The following ATXN1 variants were observed in gnomAD, a reference collection of about 807,000 sequenced individuals.
The protein encoded by ATXN1 is ataxin 1, also known as ataxin-1.
ATXN1 carries 8 observed loss-of-function variants against 56.4 expected under a neutral mutation model. That is an observed-to-expected ratio of 0.14 (90% CI 0.08 to 0.26). The LOEUF is 0.26. Among genes scored for constraint, ATXN1 ranks in the 10% least tolerant of loss-of-function variants. The probability of loss-of-function intolerance (pLI) is 1.00; values close to 1 mark genes in which losing one functional copy is unlikely to be tolerated. For missense variants in ATXN1, 987 were observed against 1,106.5 expected (o/e 0.89, Z 1.53); for synonymous variants, 514 against 494.6 (o/e 1.04, Z -0.52).
chr6:16,567,129 G>A (rs767136412), intron 4 of ATXN1, among the ~76,000 whole-genome samples: 18 of 152,128 alleles, frequency 1.2e-4, no homozygotes, highest in Non-Finnish European at 1.6e-4. Flanking sequence ...CCCTTTCAAA[G>A]GTACTTGTCA....
chr6:16,747,033 C>A (rs1760557832), intron 2 of ATXN1, among the ~76,000 whole-genome samples: 1 of 152,028 alleles, frequency 6.6e-6, no homozygotes, highest in Non-Finnish European at 1.5e-5. Flanking sequence ...AACTACCAGT[C>A]CAACAGCACA....
At chr6:16,483,673 G>A (rs1246695061) in intron 6 of ATXN1, among the ~76,000 whole-genome samples, 1 of 152,228 alleles carries the variant, frequency 6.6e-6, no homozygotes, top group Admixed American at 6.5e-5. Context: ...AGTCTGCCAT[G>A]TGGCATCTTA....
intron 6 of ATXN1, among the ~76,000 whole-genome samples, chr6:16,338,251 T>C (rs2113434767): frequency 6.6e-6 from 1 of 152,082 alleles, no homozygotes; most frequent in South Asian, 2.1e-4. Flanking sequence ...CCCAGCACTT[T>C]AGGAGGCTGA....
At chr6:16,339,928 G>A (rs1425478769) in intron 6 of ATXN1, among the ~76,000 whole-genome samples, 10 of 152,170 alleles carry the variant, frequency 6.6e-5, no homozygotes, top group Admixed American at 2.0e-4. Flanking sequence ...GACTACAGGC[G>A]CATGCCACCA....
chr6:16,591,344 A>G (rs1762719247), intron 3 of ATXN1, among the ~76,000 whole-genome samples: 2 of 152,220 alleles, frequency 1.3e-5, no homozygotes, highest in South Asian at 4.1e-4. Flanking sequence ...TGACCAGTTT[A>G]CCCTAAGTAT....
At chr6:16,420,116 C>G (rs541296277) in intron 6 of ATXN1, among the ~76,000 whole-genome samples, 1 of 152,158 alleles carries the variant, frequency 6.6e-6, no homozygotes, top group Non-Finnish European at 1.5e-5. Flanking sequence ...GAAAGTCACA[C>G]GTTAATGCAA....
intron 2 of ATXN1, among the ~76,000 whole-genome samples, chr6:16,710,081 T>A (rs1581384606): frequency 6.6e-6 from 1 of 151,980 alleles, no homozygotes; most frequent in African/African-American, 2.4e-5. Flanking sequence ...AAAAGGCAAA[T>A]GAAAAACCTA....
intron 1 of ATXN1, among the ~76,000 whole-genome samples, chr6:16,755,387 CAAT>C (rs1417751097): frequency 6.6e-6 from 1 of 152,050 alleles, no homozygotes; most frequent in Non-Finnish European, 1.5e-5. Context: ...ACATTTTATA[CAAT>C]AATATACACC....
chr6:16,526,535 CG>C (rs893655177), intron 4 of ATXN1, among the ~76,000 whole-genome samples: 119 of 152,146 alleles, frequency 7.8e-4, no homozygotes, highest in African/African-American at 2.7e-3. Context: ...GAGGCCAAGG[CG>C]GGTGGATTAC....
At chr6:16,672,074 G>T (rs1758551606) in intron 2 of ATXN1, among the ~76,000 whole-genome samples, 1 of 152,088 alleles carries the variant, frequency 6.6e-6, no homozygotes, top group Admixed American at 6.5e-5. Context: ...CCCCACCCCT[G>T]ACCTATTTAA....
intron 2 of ATXN1, among the ~76,000 whole-genome samples, chr6:16,727,749 A>G (rs1445310666): frequency 1.3e-5 from 2 of 152,218 alleles, no homozygotes; most frequent in Admixed American, 1.3e-4. Flanking sequence ...ACATATTACT[A>G]ATATAAATAT....
In ATXN1 at chr6:16,704,354, T is replaced by C. The variant is rs148045068; in HGVS notation, c.-614-46453A>G. Among the ~76,000 whole-genome samples the C allele has an allele frequency of 1.8e-3, 279 of 152,206 alleles. 1 individual carries two copies. The highest frequency in any genetic ancestry group is 6.3e-3 in the African/African-American group (263 of 41,514). On this transcript the variant is annotated intron_variant, in intron 2 of 7. Coordinates refer to ENST00000436367, the MANE Select transcript of ATXN1 (RefSeq NM_001128164.2). ...CTTTCCCCCCAAGATTGACTGTCGG[T>C]CTACAGAATCAGTTAAGTGCTACAA...
chr6:16,587,277 C>T (rs1212541668), intron 3 of ATXN1, among the ~76,000 whole-genome samples: 6 of 152,090 alleles, frequency 3.9e-5, no homozygotes, highest in Non-Finnish European at 2.9e-5. Flanking sequence ...GCCTAAGCGG[C>T]TAAATTTCAT....
At chr6:16,441,858 G>C (rs182787535) in intron 6 of ATXN1, among the ~76,000 whole-genome samples, 2 of 152,184 alleles carry the variant, frequency 1.3e-5, no homozygotes, top group East Asian at 3.9e-4. Flanking sequence ...TAGAATTCAA[G>C]AGAAAGACTC....
intron 4 of ATXN1, among the ~76,000 whole-genome samples, chr6:16,525,076 A>G (rs1761365316): frequency 6.6e-6 from 1 of 152,158 alleles, no homozygotes; most frequent in South Asian, 2.1e-4. Context: ...AAAAATTACC[A>G]GAATGTGAGT....
At chr6:16,573,765 T>TC (rs1298937908) in intron 4 of ATXN1, among the ~76,000 whole-genome samples, 1 of 152,140 alleles carries the variant, frequency 6.6e-6, no homozygotes, top group Non-Finnish European at 1.5e-5. Flanking sequence ...TGTCCCTTCC[T>TC]CATGCTTTTG....
At chr6:16,588,065 C>CT (rs397949397) in intron 3 of ATXN1, among the ~76,000 whole-genome samples, 1 of 151,608 alleles carries the variant, frequency 6.6e-6, no homozygotes, top group African/African-American at 2.4e-5. Flanking sequence ...TAGATTCTGC[C>CT]TCACCTACGT....
chr6:16,444,032 C>T (rs1035830563), intron 6 of ATXN1, among the ~76,000 whole-genome samples: 1 of 151,364 alleles, frequency 6.6e-6, no homozygotes, highest in Non-Finnish European at 1.5e-5. Context: ...AGGAGAATGG[C>T]GTGAACCTGG....
intron 2 of ATXN1, among the ~76,000 whole-genome samples, chr6:16,715,871 G>T (rs765056162): frequency 2.6e-5 from 4 of 152,040 alleles, no homozygotes; most frequent in Admixed American, 1.3e-4. Flanking sequence ...CCCATACCAC[G>T]TCCCCTAAGC....
Sources: gnomAD v4.1 joint callset for allele counts (sites outside exome capture counted in the v4.1 genomes callset) on GRCh38, gnomAD v4.1.1 for gene constraint, MANE v1.5 for transcripts, NCBI Gene and HGNC (gene_info 2026-07-23, HGNC 2026-07-21) for gene names.